The following FAAH2 variants were observed in gnomAD, a reference collection of about 807,000 sequenced individuals.
FAAH2 encodes fatty acid amide hydrolase 2.
A neutral mutation model predicts 36.9 loss-of-function variants in FAAH2; 60 were observed. The observed-to-expected ratio is 1.63, with a 90% CI of 1.32 to 2.02. The LOEUF (loss-of-function observed/expected upper bound fraction) is 2.02, where lower values mean the gene tolerates loss of function less well. Ranked by LOEUF, FAAH2 falls within the 30% of genes most tolerant of loss-of-function variation. The pLI is 0.00. For missense variants in FAAH2, 689 were observed against 397.5 expected, an observed-to-expected ratio of 1.73 and a Z score of -6.23; for synonymous variants, 214 against 143.8, an observed-to-expected ratio of 1.49 and a Z score of -3.49.
the FAAH2 span, among the ~76,000 whole-genome samples, chrX:57,189,727 A>T: frequency 4.5e-5 from 5 of 111,692 alleles, no homozygotes; most frequent in African/African-American, 1.6e-4. Context: ...GCTGCAGAAC[A>T]ACAAAGATGG....
rs1427168763 is a variant in FAAH2 at position 57,286,892 on chromosome X, T to C, written c.67T>C (p.Leu23=). 1 of 1,204,391 alleles carries C rather than the reference T, an allele frequency of 8.3e-7. No individual in the cohort carries two copies. The highest frequency in any genetic ancestry group is 1.8e-5 in the South Asian group (1 of 55,799). ...GCGGGCGCTAGGCTTTCTCATAGGC[T>C]TAGTAGGCCGAGCAGCTTTAGTCTT... The part of the protein sequence containing the change: ...LLRALGFLIG[L]VGRAALVLGG... The change falls in exon 1 of 11, where the codon TTA becomes CTA. Residue 23 remains leucine (L), a synonymous_variant. Coordinates refer to ENST00000374900, the MANE Select transcript of FAAH2 (RefSeq NM_174912.4).
chrX:57,393,123 T>C (rs1337931151), intron 7 of FAAH2: 13 of 1,032,699 alleles, frequency 1.3e-5, no homozygotes, highest in African/African-American at 1.1e-4. Context: ...CTCTGTTCTC[T>C]GGAAAGGCAG....
intron 7 of FAAH2, among the ~76,000 whole-genome samples, chrX:57,413,037 T>A (rs1312740901): frequency 8.9e-6 from 1 of 112,298 alleles, no homozygotes; most frequent in Non-Finnish European, 1.9e-5. Flanking sequence ...GTGAGAAGTG[T>A]CTGTTTATAT....
At chrX:57,485,468 C>G (rs1040133452) in intron 10 of FAAH2, among the ~76,000 whole-genome samples, 7 of 111,615 alleles carry the variant, frequency 6.3e-5, no homozygotes, top group Non-Finnish European at 1.3e-4. Flanking sequence ...CCTGTTGCTT[C>G]TTTGTACTTC....
At chrX:57,288,334 A>ATTT (rs1393972572) in intron 1 of FAAH2, among the ~76,000 whole-genome samples, 1 of 61,176 alleles carries the variant, frequency 1.6e-5, no homozygotes, top group African/African-American at 7.9e-5. Context: ...TCTTAAAAAC[A>ATTT]TTTCTTTTTT....
chrX:57,195,346 C>A, the FAAH2 span, among the ~76,000 whole-genome samples: 1 of 111,455 alleles, frequency 9.0e-6, no homozygotes, highest in Admixed American at 9.5e-5. Flanking sequence ...TTTTCATTTT[C>A]TTGATAATTA....
intron 8 of FAAH2, among the ~76,000 whole-genome samples, chrX:57,441,128 T>C: frequency 9.0e-6 from 1 of 111,719 alleles, no homozygotes; most frequent in African/African-American, 3.3e-5. Flanking sequence ...AGAAAATGAG[T>C]TAGGGAGGAT....
At chrX:57,171,206 G>A in the FAAH2 span, among the ~76,000 whole-genome samples, 1 of 111,662 alleles carries the variant, frequency 9.0e-6, no homozygotes, top group African/African-American at 3.3e-5. Flanking sequence ...TGTGAATTGT[G>A]CTGTGATAAA....
At chrX:57,394,687 T>C in intron 7 of FAAH2, 1 of 910,687 alleles carries the variant, frequency 1.1e-6, no homozygotes, top group Non-Finnish European at 1.6e-6. Context: ...TTTGTTTTTT[T>C]TATCATCTGG....
intron 7 of FAAH2, among the ~76,000 whole-genome samples, chrX:57,428,420 G>A (rs2056213783): frequency 9.0e-6 from 1 of 111,553 alleles, no homozygotes; most frequent in African/African-American, 3.3e-5. Flanking sequence ...CCACAAAAGA[G>A]CTTGCATAGC....
intron 5 of FAAH2, among the ~76,000 whole-genome samples, chrX:57,377,548 G>A (rs948855151): frequency 8.9e-6 from 1 of 112,060 alleles, no homozygotes; most frequent in African/African-American, 3.2e-5. Context: ...GGTTACTGTA[G>A]CCTTGTAATA....
intron 7 of FAAH2, among the ~76,000 whole-genome samples, chrX:57,421,207 A>C (rs1248269607): frequency 8.9e-6 from 1 of 111,972 alleles, no homozygotes; most frequent in Admixed American, 9.4e-5. Flanking sequence ...GCACTTTGGG[A>C]GGCCAAGGCA....
chrX:57,195,729 G>T, the FAAH2 span, among the ~76,000 whole-genome samples: 2 of 111,883 alleles, frequency 1.8e-5, no homozygotes, highest in African/African-American at 6.5e-5. Flanking sequence ...AATTTTTAGG[G>T]TTTCAGGTCT....
the FAAH2 span, among the ~76,000 whole-genome samples, chrX:57,202,117 G>A: frequency 8.9e-6 from 1 of 111,844 alleles, no homozygotes; most frequent in Non-Finnish European, 1.9e-5. Flanking sequence ...ACATATCTCT[G>A]TTTCTCCAGG....
chrX:57,239,476 A>ATG, the FAAH2 span, among the ~76,000 whole-genome samples: 3 of 108,843 alleles, frequency 2.8e-5, no homozygotes, highest in African/African-American at 1.0e-4. Context: ...CAGCTCTTTT[A>ATG]TATATATATA....
the FAAH2 span, among the ~76,000 whole-genome samples, chrX:57,258,710 T>C: frequency 1.0e-4 from 4 of 39,338 alleles, no homozygotes; most frequent in African/African-American, 2.1e-3. Flanking sequence ...TTTTGTTGCC[T>C]TTTTTTTTTT....
intron 10 of FAAH2, among the ~76,000 whole-genome samples, chrX:57,478,432 T>G (rs753381168): frequency 8.9e-6 from 1 of 111,744 alleles, no homozygotes; most frequent in South Asian, 3.8e-4. Flanking sequence ...TCTCCCATTT[T>G]GTAGGTTGCC....
the FAAH2 span, among the ~76,000 whole-genome samples, chrX:57,267,332 G>A: frequency 8.8e-6 from 1 of 113,085 alleles, no homozygotes; most frequent in Non-Finnish European, 1.9e-5. Context: ...CACAGAGCCA[G>A]TAAGCCCTGC....
chrX:57,237,680 GC>G, the FAAH2 span, among the ~76,000 whole-genome samples: 1 of 110,546 alleles, frequency 9.0e-6, no homozygotes, highest in African/African-American at 3.3e-5. Context: ...CTTCTGCATA[GC>G]AAAAAAACCT....
Sources: gnomAD v4.1 joint callset for allele counts (sites outside exome capture counted in the v4.1 genomes callset) on GRCh38, gnomAD v4.1.1 for gene constraint, MANE v1.5 for transcripts, NCBI Gene and HGNC (gene_info 2026-07-23, HGNC 2026-07-21) for gene names.